TMEM248: variants seen among roughly 807,000 people sequenced by gnomAD.
TMEM248 encodes UPF0458 protein C7orf42.
Under a neutral mutation model 30.3 loss-of-function variants are expected in TMEM248, and 9 were observed. The ratio of observed to expected loss-of-function variants is 0.30; its 90% CI spans 0.18 to 0.52. The LOEUF (loss-of-function observed/expected upper bound fraction) is 0.52. Ranked by LOEUF, TMEM248 falls within the 20% of genes least tolerant of loss-of-function variation. The pLI is 0.97. For synonymous variants in TMEM248, 184 were observed against 154.4 expected, an observed-to-expected ratio of 1.19 and a Z score of -1.42; for missense variants, 338 against 403.3, an observed-to-expected ratio of 0.84 and a Z score of 1.39.
intron 1 of TMEM248, among the ~76,000 whole-genome samples, chr7:66,938,511 CTTTT>C (rs1420802867): frequency 6.6e-6 from 1 of 151,918 alleles, no homozygotes; most frequent in Admixed American, 6.6e-5. Flanking sequence ...TTTTTCTTTT[CTTTT>C]TGTTTTCTTT....
intron 5 of TMEM248, 101 bp downstream of exon 5, chr7:66,951,236 G>A: frequency 8.6e-7 from 1 of 1,157,666 alleles, no homozygotes; most frequent in Non-Finnish European, 1.2e-6. Flanking sequence ...ACTTCCCTGG[G>A]TAAGCGTATC....
At position 66,958,146 on chromosome 7, in the gene TMEM248, G is replaced by A. The variant is rs62466581; in HGVS notation, c.*2624G>A. Reference sequence around the variant, plus strand: ...TGCGCTTGCTGTTCAGGGCGGCCCCGTGCAGGAGCACCAGCTCACCCTCAG... The same window carrying A: ...TGCGCTTGCTGTTCAGGGCGGCCCCATGCAGGAGCACCAGCTCACCCTCAG... On this transcript the variant is annotated 3_prime_UTR_variant, in exon 7 of 7. Transcript: ENST00000341567. 1,674 of 152,854 alleles carry A rather than the reference G, an allele frequency of 0.011. 14 individuals carry two copies. Among genetic ancestry groups the A allele is most frequent in the Non-Finnish European group, 0.016 (1,089 of 68,090 alleles). The allele number at this position is 152,854 out of a possible 1,614,324, so 9.5% of individuals were successfully genotyped here. A position where few individuals can be genotyped will look rare whatever the true frequency, so the allele number is the denominator to read the frequency against.
intron 2 of TMEM248, among the ~76,000 whole-genome samples, chr7:66,942,521 A>C (rs1045525229): frequency 2.0e-5 from 3 of 152,168 alleles, no homozygotes; most frequent in Non-Finnish European, 4.4e-5. Flanking sequence ...TTTGAGACGG[A>C]GTCTCGCTCC....
chr7:66,938,500 CTTTT>C (rs972574992), intron 1 of TMEM248, among the ~76,000 whole-genome samples: 12 of 152,066 alleles, frequency 7.9e-5, no homozygotes, highest in Admixed American at 2.6e-4. Flanking sequence ...AAGAACCTTT[CTTTT>C]TCTTTTCTTT....
At chr7:66,928,861 C>G (rs751654721) in intron 1 of TMEM248, among the ~76,000 whole-genome samples, 11 of 152,090 alleles carry the variant, frequency 7.2e-5, no homozygotes, top group Non-Finnish European at 1.2e-4. Flanking sequence ...CATCACAGCT[C>G]ACTGTAGCCT....
intron 1 of TMEM248, among the ~76,000 whole-genome samples, chr7:66,932,037 C>A (rs964164624): frequency 6.6e-6 from 1 of 151,828 alleles, no homozygotes; most frequent in Admixed American, 6.6e-5. Flanking sequence ...ATCTCCTGAC[C>A]TCATGATCCA....
intron 1 of TMEM248, among the ~76,000 whole-genome samples, chr7:66,924,620 G>T (rs1402161054): frequency 6.6e-6 from 1 of 152,128 alleles, no homozygotes; most frequent in Admixed American, 6.6e-5. Context: ...GGTCAGGCTG[G>T]TCTCAAACTC....
chr7:66,934,480 C>T (rs1250351044), intron 1 of TMEM248, among the ~76,000 whole-genome samples: 1 of 152,282 alleles, frequency 6.6e-6, no homozygotes, highest in Middle Eastern at 3.4e-3. Flanking sequence ...GGATTACAGG[C>T]GTGAACCACT....
intron 2 of TMEM248, among the ~76,000 whole-genome samples, chr7:66,943,070 G>A (rs1792005354): frequency 6.6e-6 from 1 of 151,528 alleles, no homozygotes; most frequent in Admixed American, 6.6e-5. Context: ...CAAGTAACGA[G>A]TTTTAGCTAT....
At chr7:66,948,725 G>GT in intron 4 of TMEM248, 31 bp downstream of exon 4, 1 of 1,583,516 alleles carries the variant, frequency 6.3e-7, no homozygotes, top group Non-Finnish European at 8.6e-7. Flanking sequence ...ATGAACGTGC[G>GT]TAACAAGCTC....
chr7:66,957,113 T>G lies in TMEM248; in HGVS notation c.*1591T>G, dbSNP rs1450836455. 1 of 152,648 alleles carries G rather than the reference T, an allele frequency of 6.6e-6. No individual in the cohort carries two copies. The highest frequency in any genetic ancestry group is 6.5e-5 in the Admixed American group (1 of 15,270). The allele number at this position is 152,648 out of a possible 1,614,324, so 9.5% of individuals were successfully genotyped here. A position where few individuals can be genotyped will look rare whatever the true frequency, so the allele number is the denominator to read the frequency against. ...GTTTTTTTAAAATAACTTTTTGCCTTAATAGCTCATTGTCACTAATAACTT... is the reference window on the plus strand; with the variant it reads ...GTTTTTTTAAAATAACTTTTTGCCTGAATAGCTCATTGTCACTAATAACTT... On this transcript the variant is annotated 3_prime_UTR_variant, in exon 7 of 7. Coordinates refer to ENST00000341567, the MANE Select transcript of TMEM248 (RefSeq NM_017994.5).
chr7:66,955,398 C>G, intron 6 of TMEM248, 104 bp from the exon 7 acceptor site: 1 of 1,296,114 alleles, frequency 7.7e-7, no homozygotes, highest in Admixed American at 2.1e-5. Flanking sequence ...ACTTCACTGT[C>G]TGGTTGATAT....
intron 5 of TMEM248, among the ~76,000 whole-genome samples, chr7:66,951,853 G>C (rs1305730784): frequency 1.3e-5 from 2 of 151,892 alleles, no homozygotes; most frequent in African/African-American, 4.8e-5. Flanking sequence ...TAGAGACGGG[G>C]GTCTTGCTGT....
intron 1 of TMEM248, among the ~76,000 whole-genome samples, chr7:66,926,833 G>T (rs1056553579): frequency 6.6e-6 from 1 of 152,130 alleles, no homozygotes; most frequent in Admixed American, 6.6e-5. Flanking sequence ...GGTCTGTAGT[G>T]TTTTTTCTGC....
chr7:66,933,325 A>G (rs1791717299), intron 1 of TMEM248, among the ~76,000 whole-genome samples: 1 of 152,166 alleles, frequency 6.6e-6, no homozygotes, highest in Admixed American at 6.6e-5. Flanking sequence ...GTGTGCCACC[A>G]CGCCCAGATC....
At chr7:66,924,709 T>TTTTA (rs1244718260) in intron 1 of TMEM248, among the ~76,000 whole-genome samples, 5 of 151,472 alleles carry the variant, frequency 3.3e-5, no homozygotes, top group Non-Finnish European at 5.9e-5. Context: ...CTGGCCTTAT[T>TTTTA]TTTATTTATT....
intron 3 of TMEM248, among the ~76,000 whole-genome samples, chr7:66,946,116 T>C (rs1792098381): frequency 6.9e-6 from 1 of 145,426 alleles, no homozygotes; most frequent in South Asian, 2.2e-4. Context: ...CAGCTGGGCA[T>C]GCAGGCATGG....
At chr7:66,947,467 A>G (rs919501232) in intron 3 of TMEM248, among the ~76,000 whole-genome samples, 10 of 151,982 alleles carry the variant, frequency 6.6e-5, no homozygotes, top group African/African-American at 2.2e-4. Flanking sequence ...CAGTGGCACA[A>G]TCTTGGCTCA....
At chr7:66,923,564 G>A (rs1048784743) in intron 1 of TMEM248, among the ~76,000 whole-genome samples, 1 of 152,210 alleles carries the variant, frequency 6.6e-6, no homozygotes, top group Non-Finnish European at 1.5e-5. Flanking sequence ...AGGCTAGGTA[G>A]CTGGACAATC....
Sources: gnomAD v4.1 joint callset for allele counts (sites outside exome capture counted in the v4.1 genomes callset) on GRCh38, gnomAD v4.1.1 for gene constraint, MANE v1.5 for transcripts, NCBI Gene and HGNC (gene_info 2026-07-23, HGNC 2026-07-21) for gene names.